EHBP1: variants seen among roughly 807,000 people sequenced by gnomAD.
EHBP1 encodes EH domain binding protein 1.
A neutral mutation model predicts 144.0 loss-of-function variants in EHBP1; 55 were observed. The ratio of observed to expected loss-of-function variants is 0.38; its 90% CI spans 0.31 to 0.48. EHBP1 has a LOEUF of 0.48. Among genes scored for constraint, EHBP1 ranks in the 20% least tolerant of loss-of-function variants. The pLI is 0.98. For synonymous variants in EHBP1, 469 were observed against 472.7 expected, an observed-to-expected ratio of 0.99 and a Z score of 0.10; for missense variants, 1,200 against 1,364.2, an observed-to-expected ratio of 0.88 and a Z score of 1.90.
chr2:63,042,480 C>G lies in EHBP1; in HGVS notation c.3278-2586C>G, dbSNP rs569298122. Among the ~76,000 whole-genome samples, 20 of 152,088 alleles carry G rather than the reference C, an allele frequency of 1.3e-4. No individual in the cohort carries two copies. The South Asian group carries it at 4.1e-3, about 32-fold the overall frequency. On this transcript the variant is annotated intron_variant, in intron 21 of 22. Coordinates refer to ENST00000431489, the MANE Select transcript of EHBP1 (RefSeq NM_001142616.3). ...TTTGTAGACAGATATTAATGTAGCA[C>G]TGTAATGACAGATTTAATATTTTAA... is the stretch of plus-strand genomic sequence containing the variant.
chr2:62,776,551 C>G (rs112768935), intron 5 of EHBP1, among the ~76,000 whole-genome samples: 1 of 152,266 alleles, frequency 6.6e-6, no homozygotes, highest in East Asian at 1.9e-4. Context: ...TTCCTTTCTA[C>G]CACTTACACC....
At chr2:63,010,129 G>T (rs1297139477) in intron 19 of EHBP1, among the ~76,000 whole-genome samples, 1 of 151,004 alleles carries the variant, frequency 6.6e-6, no homozygotes, top group African/African-American at 2.4e-5. Context: ...CCTAATATTA[G>T]CTTCTAATAT....
In EHBP1 at chr2:62,763,435, A is replaced by C. The variant is rs1027416454; in HGVS notation, c.163-831A>C. On this transcript the variant is annotated intron_variant, in intron 3 of 22. Coordinates refer to ENST00000431489, the MANE Select transcript of EHBP1 (RefSeq NM_001142616.3). The stretch of plus-strand genomic sequence containing the variant: ...AATAGAAGAACATCATAAGGTTCTT[A>C]TGTAGATTAAATGAGTTTAACATAA... Among the ~76,000 whole-genome samples, 10 of 152,336 alleles carry C rather than the reference A, an allele frequency of 6.6e-5. No individual in the cohort carries two copies. The South Asian group carries it at 1.7e-3, about 25-fold the overall frequency.
intron 4 of EHBP1, among the ~76,000 whole-genome samples, chr2:62,769,808 A>C (rs1458084451): frequency 1.2e-4 from 18 of 150,042 alleles, no homozygotes; most frequent in Non-Finnish European, 2.2e-4. Context: ...AAAAAAAAAA[A>C]AAAAAAAAGC....
At chr2:62,823,845 G>T (rs1457461935) in intron 5 of EHBP1, among the ~76,000 whole-genome samples, 1 of 152,006 alleles carries the variant, frequency 6.6e-6, no homozygotes, top group Non-Finnish European at 1.5e-5. Context: ...ACAGACTCTA[G>T]TGAGGTCCTG....
At chr2:62,840,780 C>G (rs910982548) in intron 7 of EHBP1, among the ~76,000 whole-genome samples, 1 of 151,538 alleles carries the variant, frequency 6.6e-6, no homozygotes, top group African/African-American at 2.4e-5. Context: ...CAAATCAAAA[C>G]CACTATGAGA....
intron 3 of EHBP1, 113 bp downstream of exon 3, chr2:62,747,565 T>A: frequency 1.2e-6 from 1 of 825,922 alleles, no homozygotes; most frequent in Non-Finnish European, 1.9e-6. Flanking sequence ...TTTTTTTTCT[T>A]GATTGTCTAC....
At chr2:62,922,309 G>A (rs1449882447) in intron 10 of EHBP1, among the ~76,000 whole-genome samples, 1 of 152,298 alleles carries the variant, frequency 6.6e-6, no homozygotes, top group South Asian at 2.1e-4. Flanking sequence ...GCAAAAGAAA[G>A]TTCAAGTATT....
intron 2 of EHBP1, among the ~76,000 whole-genome samples, chr2:62,709,622 T>C (rs1405417596): frequency 6.6e-6 from 1 of 152,110 alleles, no homozygotes; most frequent in Admixed American, 6.5e-5. Flanking sequence ...TTGATTGCAG[T>C]TGAATAAATG....
At chr2:62,721,173 C>G (rs1228479415) in intron 2 of EHBP1, among the ~76,000 whole-genome samples, 1 of 151,980 alleles carries the variant, frequency 6.6e-6, no homozygotes, top group Non-Finnish European at 1.5e-5. Context: ...TTTTCATGAC[C>G]TTGTTAGGTT....
intron 10 of EHBP1, among the ~76,000 whole-genome samples, chr2:62,908,032 C>A (rs1026191487): frequency 1.3e-5 from 2 of 152,034 alleles, no homozygotes; most frequent in African/African-American, 4.8e-5. Flanking sequence ...AGACTGGGTT[C>A]ATTTCTTCTT....
chr2:62,676,857 G>T (rs543527097), intron 1 of EHBP1, among the ~76,000 whole-genome samples: 1 of 152,284 alleles, frequency 6.6e-6, no homozygotes, highest in Non-Finnish European at 1.5e-5. Flanking sequence ...AGCATAAGGG[G>T]ATAAAGATCT....
intron 7 of EHBP1, among the ~76,000 whole-genome samples, chr2:62,841,775 T>C (rs2047898212): frequency 6.6e-6 from 1 of 152,156 alleles, no homozygotes; most frequent in African/African-American, 2.4e-5. Flanking sequence ...CTTTCTTTCT[T>C]ATTTTGGTTA....
rs1231210798 is a variant in EHBP1 at position 62,707,130 on chromosome 2, C to T, written c.-62C>T. The T allele has an allele frequency of 1.5e-5, 20 of 1,302,154 alleles. No homozygotes were observed. The East Asian group carries it at 4.4e-4, about 29-fold the overall frequency. The allele number at this position is 1,302,154 out of a possible 1,614,324, so 80.7% of individuals were successfully genotyped here. On this transcript the variant is annotated 5_prime_UTR_variant, in exon 2 of 23. Coordinates refer to ENST00000431489, the MANE Select transcript of EHBP1 (RefSeq NM_001142616.3). ...GCAAAGTTCCTTTGCTTTGGACCCTCTGCATTATTAAAGCTGCTGTATTGC... is the reference window on the plus strand; with the variant it reads ...GCAAAGTTCCTTTGCTTTGGACCCTTTGCATTATTAAAGCTGCTGTATTGC...
At chr2:62,750,575 G>C (rs190966871) in intron 3 of EHBP1, among the ~76,000 whole-genome samples, 1 of 152,196 alleles carries the variant, frequency 6.6e-6, no homozygotes, top group Non-Finnish European at 1.5e-5. Flanking sequence ...ACCTTGGGCA[G>C]TATGGCCATT....
At chr2:62,683,658 CAAAA>C (rs397936534) in intron 1 of EHBP1, among the ~76,000 whole-genome samples, 3 of 50,138 alleles carry the variant, frequency 6.0e-5, no homozygotes, top group Non-Finnish European at 3.5e-5. Context: ...GACTCCATCT[CAAAA>C]AAAAAAAAAA....
intron 9 of EHBP1, among the ~76,000 whole-genome samples, chr2:62,867,918 CA>C (rs1260427768): frequency 1.3e-5 from 2 of 151,756 alleles, no homozygotes; most frequent in Admixed American, 6.6e-5. Context: ...ACAAAGCTAG[CA>C]AAGAAAATCA....
At chr2:62,897,674 ACTT>A (rs1322854414) in intron 10 of EHBP1, among the ~76,000 whole-genome samples, 1 of 152,008 alleles carries the variant, frequency 6.6e-6, no homozygotes. Context: ...TTTCTTCCAA[ACTT>A]CTTCTCAACA....
At chr2:62,843,545 G>C (rs903325552) in intron 7 of EHBP1, among the ~76,000 whole-genome samples, 1 of 152,080 alleles carries the variant, frequency 6.6e-6, no homozygotes, top group Non-Finnish European at 1.5e-5. Flanking sequence ...TGATATTACA[G>C]TTTTTTTCTT....
Sources: allele counts gnomAD v4.1 joint callset (sites outside exome capture counted in the v4.1 genomes callset), GRCh38; gene constraint gnomAD v4.1.1; transcripts MANE v1.5; gene names NCBI Gene and HGNC (gene_info 2026-07-23, HGNC 2026-07-21).